Variants in IL1RL2 observed in about 807,000 individuals in gnomAD.
The protein encoded by IL1RL2 is interleukin-1 receptor-like 2.
A neutral mutation model predicts 66.8 loss-of-function variants in IL1RL2; 68 were observed. The ratio of observed to expected loss-of-function variants is 1.02; its 90% CI spans 0.84 to 1.25. The LOEUF (loss-of-function observed/expected upper bound fraction) is 1.25, where lower values mean the gene tolerates loss of function less well. Among genes scored for constraint, IL1RL2 ranks in the 50% most tolerant of loss-of-function variants. The pLI is 0.00. For missense variants in IL1RL2, 729 were observed against 709.3 expected, an observed-to-expected ratio of 1.03 and a Z score of -0.32; for synonymous variants, 305 against 264.6, an observed-to-expected ratio of 1.15 and a Z score of -1.48.
chr2:102,220,608 T>C lies in IL1RL2; in HGVS notation c.991+591T>C, dbSNP rs193249489. Reference sequence around the variant, plus strand: ...TTCGTAACCTATCAGGGGAGGTGTGTGAAATACCTTGCAAAATGCTGTGTG... The same window carrying C: ...TTCGTAACCTATCAGGGGAGGTGTGCGAAATACCTTGCAAAATGCTGTGTG... On this transcript the variant is annotated intron_variant, in intron 8 of 11. Transcript: ENST00000264257. Among the ~76,000 whole-genome samples, 5 of 152,288 alleles carry C rather than the reference T, an allele frequency of 3.3e-5. No homozygotes were observed. The East Asian group carries it at 9.6e-4, about 29-fold the overall frequency.
At chr2:102,224,034 T>TA (rs1300777681) in intron 8 of IL1RL2, among the ~76,000 whole-genome samples, 1 of 152,202 alleles carries the variant, frequency 6.6e-6, no homozygotes, top group Admixed American at 6.5e-5. Context: ...GCCATGTATT[T>TA]AAAGATGTGC....
chr2:102,229,876 T>C (rs1463461004), intron 9 of IL1RL2, among the ~76,000 whole-genome samples: 1 of 152,206 alleles, frequency 6.6e-6, no homozygotes, highest in Admixed American at 6.5e-5. Flanking sequence ...AACAAGTACC[T>C]ATATCCTCAG....
intron 3 of IL1RL2, among the ~76,000 whole-genome samples, chr2:102,190,662 C>T (rs191768482): frequency 7.4e-4 from 113 of 152,332 alleles, no homozygotes; most frequent in African/African-American, 2.7e-3. Context: ...GATTTAGTTG[C>T]TAATAAACCG....
rs144723586 is a variant in IL1RL2, at chr2:102,210,086, T to A, written c.650-2014T>A. Among the ~76,000 whole-genome samples, 268 of 152,210 alleles carry A rather than the reference T, an allele frequency of 1.8e-3. 2 individuals are homozygous for A. The highest frequency in any genetic ancestry group is 5.9e-3 in the African/African-American group (244 of 41,540). On this transcript the variant is annotated intron_variant, in intron 5 of 11. Transcript: ENST00000264257. Reference sequence around the variant, plus strand: ...ATCTGAGCTCAAACAGACCAGGGCCTCGTGAGAAAGCAGTGGCTCAGGGAA... The same window carrying A: ...ATCTGAGCTCAAACAGACCAGGGCCACGTGAGAAAGCAGTGGCTCAGGGAA...
intron 4 of IL1RL2, among the ~76,000 whole-genome samples, chr2:102,199,594 T>C (rs1379717518): frequency 4.6e-5 from 7 of 152,186 alleles, no homozygotes; most frequent in Admixed American, 6.5e-5. Flanking sequence ...TCCAAGCTCA[T>C]TGAGAGTTTA....
intron 3 of IL1RL2, among the ~76,000 whole-genome samples, chr2:102,191,044 A>T (rs2104708013): frequency 6.6e-6 from 1 of 152,230 alleles, no homozygotes; most frequent in Non-Finnish European, 1.5e-5. Context: ...TCTACCCTTT[A>T]TCTAGATTCC....
Position 102,201,675 on chromosome 2 carries a change from G to C in IL1RL2, c.609G>C (p.Gly203=). 6.2e-7 allele frequency: 1 copy of C among 1,614,088 alleles called. No homozygotes were observed. The change falls in exon 5 of 12, where the codon GGG becomes GGC. Residue 203 remains glycine (G), a synonymous_variant. Coordinates refer to ENST00000264257, the MANE Select transcript of IL1RL2 (RefSeq NM_003854.4). ...GTCAAGCCATACTGACACACTCAGG[G>C]AAGCAGTACGAGGTTTTAAATGGCA... is the stretch of plus-strand genomic sequence containing the variant. ...YACQAILTHS[G]KQYEVLNGIT...
At chr2:102,206,046 T>A (rs1922299) in intron 5 of IL1RL2, among the ~76,000 whole-genome samples, 42,572 of 151,926 alleles carry the variant, frequency 0.28, 6,585 homozygotes, top group East Asian at 0.38. Flanking sequence ...TTCTTCAATA[T>A]GCCAATTGCA....
chr2:102,212,955 G>A (rs931012070), intron 6 of IL1RL2, among the ~76,000 whole-genome samples: 1 of 152,036 alleles, frequency 6.6e-6, no homozygotes, highest in Admixed American at 6.5e-5. Context: ...GACAGAGCGA[G>A]ACTCCGTCTC....
rs544992083 is a variant in IL1RL2 at position 102,197,010 on chromosome 2, A to G, written c.490-4546A>G. On this transcript the variant is annotated intron_variant, in intron 4 of 11. Transcript: ENST00000264257. ...ATCATTTGGACTATCCTAGAAATCA[A>G]GTTAAGAAGTGCGGTTCATTTCAGA... Among the ~76,000 whole-genome samples, 5 of 152,332 alleles carry G rather than the reference A, an allele frequency of 3.3e-5. No individual in the cohort carries two copies. The South Asian group carries it at 1.0e-3, about 32-fold the overall frequency.
intron 6 of IL1RL2, among the ~76,000 whole-genome samples, chr2:102,212,928 C>T (rs1689300767): frequency 6.6e-6 from 1 of 152,142 alleles, no homozygotes; most frequent in Admixed American, 6.5e-5. Context: ...GAGATCGCGC[C>T]ACTGCACTCC....
chr2:102,218,688 G>A (rs1161892918), intron 6 of IL1RL2, among the ~76,000 whole-genome samples: 1 of 152,184 alleles, frequency 6.6e-6, no homozygotes, highest in East Asian at 1.9e-4. Flanking sequence ...AGTGTTACTA[G>A]GAGTAGAAAT....
chr2:102,233,460 G>C (rs1691333140), intron 10 of IL1RL2, among the ~76,000 whole-genome samples: 1 of 152,166 alleles, frequency 6.6e-6, no homozygotes, highest in South Asian at 2.1e-4. Flanking sequence ...GGTGGCGAGT[G>C]GTCATTTGAG....
At chr2:102,233,181 G>T in intron 10 of IL1RL2, 57 bp downstream of exon 10, 3 of 1,516,398 alleles carry the variant, frequency 2.0e-6, no homozygotes, top group South Asian at 1.2e-5. Context: ...CGACCCCTCT[G>T]TTCCTCCACT....
chr2:102,219,830 T>TG, intron 7 of IL1RL2, 51 bp from the exon 8 acceptor site: 2 of 1,497,722 alleles, frequency 1.3e-6, no homozygotes, highest in Non-Finnish European at 1.8e-6. Flanking sequence ...TTATAAAATA[T>TG]GTTGGGTAAA....
chr2:102,195,573 C>CTTTCTTTCT (rs1687614083), intron 4 of IL1RL2, among the ~76,000 whole-genome samples: 1 of 13,922 alleles, frequency 7.2e-5, no homozygotes, highest in East Asian at 2.6e-3. Context: ...TTCTTTCTTT[C>CTTTCTTTCT]TTTCTTTCTT....
intron 5 of IL1RL2, among the ~76,000 whole-genome samples, chr2:102,207,509 G>A (rs758306940): frequency 2.0e-5 from 3 of 152,076 alleles, no homozygotes; most frequent in Non-Finnish European, 4.4e-5. Flanking sequence ...TCCCCTTCTG[G>A]CCCATGGTAT....
At chr2:102,219,280 C>A (rs1559551602) in intron 7 of IL1RL2, among the ~76,000 whole-genome samples, 198 bp downstream of exon 7, 1 of 152,182 alleles carries the variant, frequency 6.6e-6, no homozygotes, top group Non-Finnish European at 1.5e-5. Context: ...TTTCTCTTAG[C>A]TACTACTCAA....
intron 6 of IL1RL2, among the ~76,000 whole-genome samples, chr2:102,215,753 A>G (rs545762250): frequency 6.6e-6 from 1 of 152,302 alleles, no homozygotes; most frequent in East Asian, 1.9e-4. Flanking sequence ...ACTCAAAGAT[A>G]CTGCAGATGT....
Sources: gnomAD v4.1 joint callset for allele counts (sites outside exome capture counted in the v4.1 genomes callset) on GRCh38, gnomAD v4.1.1 for gene constraint, MANE v1.5 for transcripts, NCBI Gene and HGNC (gene_info 2026-07-23, HGNC 2026-07-21) for gene names.